Variants in BBX observed in about 807,000 individuals in gnomAD.
The protein encoded by BBX is HMG box transcription factor BBX.
Under a neutral mutation model 100.2 loss-of-function variants are expected in BBX, and 30 were observed. That is an observed-to-expected ratio of 0.30 (90% CI 0.22 to 0.41). The LOEUF (loss-of-function observed/expected upper bound fraction) is 0.41. BBX is among the 10% of genes least tolerant of loss of function. The pLI is 1.00. For synonymous variants in BBX, 376 were observed against 388.1 expected, an observed-to-expected ratio of 0.97 and a Z score of 0.37; for missense variants, 1,023 against 1,129.8, an observed-to-expected ratio of 0.91 and a Z score of 1.35.
At chr3:107,757,246 G>C (rs1189718922) in intron 10 of BBX, among the ~76,000 whole-genome samples, 1 of 151,814 alleles carries the variant, frequency 6.6e-6, no homozygotes, top group Admixed American at 6.6e-5. Context: ...TTGCTGCATG[G>C]GGGGGCTGGT....
intron 3 of BBX, among the ~76,000 whole-genome samples, chr3:107,665,725 C>G (rs550449979): frequency 1.3e-5 from 2 of 152,318 alleles, no homozygotes; most frequent in Admixed American, 6.5e-5. Context: ...CTTCTCTTCC[C>G]TCAACCCGAC....
At chr3:107,685,634 T>C (rs1312155909) in intron 3 of BBX, among the ~76,000 whole-genome samples, 2 of 152,278 alleles carry the variant, frequency 1.3e-5, no homozygotes, top group Non-Finnish European at 2.9e-5. Context: ...TGCTATCTGC[T>C]GTAAGTAATG....
rs977006645 is a variant in BBX at position 107,748,040 on chromosome 3, G to T, written c.825+1G>T. ...ATCTGCCTTGTTTCAGTTTGCAGAGGTATGGCCTTTTTAAAATGCTTTTTA... is the reference window on the plus strand; with the variant it reads ...ATCTGCCTTGTTTCAGTTTGCAGAGTTATGGCCTTTTTAAAATGCTTTTTA... On this transcript the variant is annotated splice_donor_variant, in intron 9 of 17. Coordinates refer to ENST00000325805, the MANE Select transcript of BBX (RefSeq NM_001142568.3). LOFTEE classifies it high-confidence loss of function. 1.2e-6 allele frequency: 2 copies of T among 1,611,620 alleles called. No homozygotes were observed. The highest frequency in any genetic ancestry group is 1.7e-6 in the Non-Finnish European group (2 of 1,178,578).
At chr3:107,559,858 T>C (rs2050350841) in intron 2 of BBX, among the ~76,000 whole-genome samples, 1 of 152,114 alleles carries the variant, frequency 6.6e-6, no homozygotes, top group Non-Finnish European at 1.5e-5. Flanking sequence ...TCCTCCCAAC[T>C]CTCAGCCTCC....
intron 10 of BBX, among the ~76,000 whole-genome samples, chr3:107,756,865 T>C (rs570736404): frequency 1.1e-4 from 17 of 152,216 alleles, no homozygotes; most frequent in African/African-American, 4.1e-4. Context: ...AAAGTACTAC[T>C]CCAAACAGAG....
At chr3:107,545,863 A>G (rs946914819) in intron 2 of BBX, among the ~76,000 whole-genome samples, 1 of 152,338 alleles carries the variant, frequency 6.6e-6, no homozygotes. Flanking sequence ...GCTCAGTGAC[A>G]TGGTTGTAAA....
chr3:107,756,600 A>T (rs2065497075), intron 10 of BBX, among the ~76,000 whole-genome samples: 1 of 152,188 alleles, frequency 6.6e-6, no homozygotes, highest in African/African-American at 2.4e-5. Flanking sequence ...CACTTAAAAT[A>T]TATAATATCT....
rs3840143 is a variant in BBX at position 107,790,229 on chromosome 3, T to TC, written c.2293+354dup. On this transcript the variant is annotated intron_variant, in intron 14 of 17. Transcript: ENST00000325805. ...TGGTTTTCACATGTTTGGCAGCCCT[T>TC]CATACCATGACCACATTTTCCTACT... Among the ~76,000 whole-genome samples the TC allele has an allele frequency of 2.6e-4, 40 of 152,310 alleles. No homozygotes were observed. The East Asian group carries it at 7.5e-3, about 29-fold the overall frequency.
At chr3:107,571,425 G>A (rs1290292) in intron 2 of BBX, among the ~76,000 whole-genome samples, 176 of 152,282 alleles carry the variant, frequency 1.2e-3, no homozygotes, top group African/African-American at 4.0e-3. Context: ...GGAGTTTTGG[G>A]TTTCCGGATA....
chr3:107,770,933 A>G (rs943692206), intron 10 of BBX, among the ~76,000 whole-genome samples: 15 of 152,206 alleles, frequency 9.9e-5, no homozygotes, highest in Non-Finnish European at 1.5e-4. Context: ...TCCACCTAAA[A>G]ATGAATTTTA....
chr3:107,660,466 T>C (rs963963208), intron 3 of BBX, among the ~76,000 whole-genome samples: 3 of 145,020 alleles, frequency 2.1e-5, no homozygotes, highest in Admixed American at 1.4e-4. Context: ...GAAGCCATCA[T>C]GTAATTTTTT....
At chr3:107,584,270 T>C (rs899953430) in intron 2 of BBX, among the ~76,000 whole-genome samples, 1 of 130,014 alleles carries the variant, frequency 7.7e-6, no homozygotes, top group East Asian at 2.1e-4. Context: ...ATATAATATC[T>C]CTAATTTATT....
intron 2 of BBX, among the ~76,000 whole-genome samples, chr3:107,558,197 G>A (rs750141268): frequency 2.0e-5 from 3 of 152,170 alleles, no homozygotes; most frequent in Non-Finnish European, 4.4e-5. Flanking sequence ...CTAAGAAAGG[G>A]GGCTATCTTG....
At chr3:107,590,526 C>T (rs1395629608) in intron 2 of BBX, among the ~76,000 whole-genome samples, 1 of 152,218 alleles carries the variant, frequency 6.6e-6, no homozygotes, top group Non-Finnish European at 1.5e-5. Context: ...GCCGATCCTT[C>T]TCAGTCTCTG....
intron 13 of BBX, among the ~76,000 whole-genome samples, chr3:107,786,775 A>T (rs911681827): frequency 1.3e-5 from 2 of 152,234 alleles, no homozygotes; most frequent in Admixed American, 6.5e-5. Flanking sequence ...GCAACAAAAG[A>T]CAAAATAGAT....
At chr3:107,570,133 C>T (rs942694260) in intron 2 of BBX, among the ~76,000 whole-genome samples, 13 of 152,192 alleles carry the variant, frequency 8.5e-5, no homozygotes, top group African/African-American at 3.1e-4. Context: ...CCTGGAGGAA[C>T]CCCTGGCTGC....
intron 2 of BBX, among the ~76,000 whole-genome samples, chr3:107,548,464 T>A (rs944115423): frequency 1.3e-5 from 2 of 152,052 alleles, no homozygotes; most frequent in East Asian, 1.9e-4. Flanking sequence ...TTTTGGGAGA[T>A]GTTTTGGGAG....
chr3:107,564,684 G>T lies in BBX; in HGVS notation c.-84+38286G>T, dbSNP rs186466002. On this transcript the variant is annotated intron_variant, in intron 2 of 17. Transcript: ENST00000325805. ...TATCACGTACAAATGTTTTTGAGATGTTTTTTTGAATTTACATGTTATATT... is the reference window on the plus strand; with the variant it reads ...TATCACGTACAAATGTTTTTGAGATTTTTTTTTGAATTTACATGTTATATT... Among the ~76,000 whole-genome samples the T allele has an allele frequency of 2.4e-3, 360 of 152,070 alleles. 3 individuals are homozygous for T. Among genetic ancestry groups the T allele is most frequent in the African/African-American group, 8.5e-3 (351 of 41,466 alleles).
intron 12 of BBX, among the ~76,000 whole-genome samples, chr3:107,777,966 C>T (rs2067463548): frequency 6.6e-6 from 1 of 151,304 alleles, no homozygotes; most frequent in African/African-American, 2.4e-5. Context: ...ATATTGATAC[C>T]AATATATCAT....
Sources: gnomAD v4.1 joint callset for allele counts (sites outside exome capture counted in the v4.1 genomes callset) on GRCh38, gnomAD v4.1.1 for gene constraint, MANE v1.5 for transcripts, NCBI Gene and HGNC (gene_info 2026-07-23, HGNC 2026-07-21) for gene names.